The following SEPTIN9 variants were observed in gnomAD, a reference collection of about 807,000 sequenced individuals.
The protein encoded by SEPTIN9 is septin-9.
A neutral mutation model predicts 56.6 loss-of-function variants in SEPTIN9; 13 were observed. The observed-to-expected ratio is 0.23, with a 90% CI of 0.15 to 0.37. SEPTIN9 has a LOEUF of 0.37. SEPTIN9 is among the 10% of genes least tolerant of loss of function. The pLI is 1.00. For synonymous variants in SEPTIN9, 332 were observed against 334.1 expected (o/e 0.99, Z 0.07); for missense variants, 650 against 823.1 (o/e 0.79, Z 2.57).
chr17:77,313,000 GT>G (rs1353902671), intron 2 of SEPTIN9, among the ~76,000 whole-genome samples: 1 of 152,186 alleles, frequency 6.6e-6, no homozygotes. Flanking sequence ...GGGGGCGCTG[GT>G]TTAGATCATC....
intron 11 of SEPTIN9, among the ~76,000 whole-genome samples, chr17:77,497,847 C>A (rs2040337217): frequency 6.6e-6 from 1 of 151,308 alleles, no homozygotes; most frequent in Non-Finnish European, 1.5e-5. Context: ...GAGTGTGGGC[C>A]CTGGCCTGGG....
intron 10 of SEPTIN9, 174 bp downstream of exon 10, chr17:77,493,250 G>A (rs1261286358): frequency 3.2e-6 from 2 of 629,132 alleles, no homozygotes; most frequent in Non-Finnish European, 5.7e-6. Context: ...AAGTGAGAGG[G>A]CAAGTGGCCT....
chr17:77,470,547 C>CACTCATCCACCTATCT (rs1268795900), intron 3 of SEPTIN9, among the ~76,000 whole-genome samples: 2 of 152,158 alleles, frequency 1.3e-5, no homozygotes, highest in South Asian at 2.1e-4. Flanking sequence ...TCCACCAATT[C>CACTCATCCACCTATCT]ACTCATCCAC....
In SEPTIN9 at chr17:77,499,603, G is replaced by A. The variant is rs1252942241; in HGVS notation, c.*945G>A. ...CGTGGCTTGGGCTGGTCAGAGTGGCGTGAGCTGCCCGGCGCCTGCCCTGCC... is the reference window on the plus strand; with the variant it reads ...CGTGGCTTGGGCTGGTCAGAGTGGCATGAGCTGCCCGGCGCCTGCCCTGCC... On this transcript the variant is annotated 3_prime_UTR_variant, in exon 12 of 12. Transcript: ENST00000427177. 9 of 437,920 alleles carry A rather than the reference G, an allele frequency of 2.1e-5. No individual in the cohort carries two copies. Among genetic ancestry groups the A allele is most frequent in the South Asian group, 6.1e-5 (3 of 49,224 alleles). 27.1% of individuals were successfully genotyped at this position (437,920 alleles called of 1,614,324 possible).
rs533828585 is a variant in SEPTIN9 at position 77,451,279 on chromosome 17, T to C, written c.722-30865T>C. On this transcript the variant is annotated intron_variant, in intron 3 of 11. Transcript: ENST00000427177. The surrounding 1 kb of genome is among the most constrained non-coding windows in gnomAD (Gnocchi z 4.2). Reference sequence around the variant, plus strand: ...GTTGCTTCTGCGCCGGGCCTGCCGCTGGGCGCCCCTATCTCTGCCTGCCCC... The same window carrying C: ...GTTGCTTCTGCGCCGGGCCTGCCGCCGGGCGCCCCTATCTCTGCCTGCCCC... 1.5e-3 allele frequency: 1,187 copies of C among 792,864 alleles called. 1 individual carries two copies. Among genetic ancestry groups the C allele is most frequent in the Non-Finnish European group, 1.7e-3 (1,117 of 653,708 alleles). 49.1% of individuals were successfully genotyped at this position (792,864 alleles called of 1,614,324 possible).
At chr17:77,294,134 A>G (rs1368432020) in intron 1 of SEPTIN9, among the ~76,000 whole-genome samples, 2 of 148,492 alleles carry the variant, frequency 1.3e-5, no homozygotes, top group African/African-American at 5.0e-5. Context: ...AAAAAAAAAC[A>G]TAGGCTGGGC....
intron 1 of SEPTIN9, among the ~76,000 whole-genome samples, chr17:77,298,570 G>A (rs971835356): frequency 6.6e-6 from 1 of 152,180 alleles, no homozygotes; most frequent in Non-Finnish European, 1.5e-5. Flanking sequence ...GAGATGGGAC[G>A]GTTTCCTGTT....
intron 1 of SEPTIN9, chr17:77,294,512 G>T: frequency 5.9e-6 from 1 of 170,068 alleles, no homozygotes; most frequent in Non-Finnish European, 1.3e-5. Context: ...AAAAGTGGCG[G>T]TCAACATGGA....
At position 77,313,932 on chromosome 17, in the gene SEPTIN9, G is replaced by A. The variant is rs2143626216; in HGVS notation, c.76+6735G>A. On this transcript the variant is annotated intron_variant, in intron 2 of 11. Coordinates refer to ENST00000427177, the MANE Select transcript of SEPTIN9 (RefSeq NM_001113491.2). The surrounding 1 kb of genome is among the most constrained non-coding windows in gnomAD (Gnocchi z 4.5). ...GAAATGTTTTCAGGCTAGGCATGGT[G>A]ACCCATGCCTGTAATCCCAGTACTT... Among the ~76,000 whole-genome samples, 1 of 152,156 alleles carries A rather than the reference G, an allele frequency of 6.6e-6. No homozygotes were observed. The highest frequency in any genetic ancestry group is 1.9e-4 in the East Asian group (1 of 5,136).
At chr17:77,309,696 C>G (rs1215518438) in intron 2 of SEPTIN9, among the ~76,000 whole-genome samples, 1 of 151,988 alleles carries the variant, frequency 6.6e-6, no homozygotes, top group Non-Finnish European at 1.5e-5. Flanking sequence ...GCTTAAATGA[C>G]ACCATGATCA....
intron 8 of SEPTIN9, among the ~76,000 whole-genome samples, chr17:77,491,371 T>C (rs2040019210): frequency 6.6e-6 from 1 of 152,048 alleles, no homozygotes; most frequent in African/African-American, 2.4e-5. Context: ...CTAATTTTTG[T>C]ATTTTTAGTA....
chr17:77,325,117 G>C (rs4789444), intron 2 of SEPTIN9, among the ~76,000 whole-genome samples: 121,550 of 151,890 alleles, frequency 0.8, 48,807 homozygotes, highest in East Asian at 0.99. Context: ...CCGCACCCAG[G>C]CTGATATGCA....
chr17:77,392,074 T>G (rs1274769414), intron 2 of SEPTIN9, among the ~76,000 whole-genome samples: 1 of 152,184 alleles, frequency 6.6e-6, no homozygotes, highest in Non-Finnish European at 1.5e-5. Context: ...TCCTGTAGCG[T>G]GCAGAGGGAA....
intron 3 of SEPTIN9, among the ~76,000 whole-genome samples, chr17:77,409,146 G>A (rs147244123): frequency 0.018 from 2,696 of 152,158 alleles, 49 homozygotes; most frequent in Non-Finnish European, 0.025. Context: ...CTTGCAGAGG[G>A]CACCCAGGTC....
At chr17:77,303,906 T>G (rs1165274489) in intron 1 of SEPTIN9, among the ~76,000 whole-genome samples, 2 of 152,180 alleles carry the variant, frequency 1.3e-5, no homozygotes, top group South Asian at 2.1e-4. Flanking sequence ...TCTGATCATC[T>G]GACTCCAGGC....
At chr17:77,440,435 G>A (rs1342975876) in intron 3 of SEPTIN9, among the ~76,000 whole-genome samples, 1 of 152,214 alleles carries the variant, frequency 6.6e-6, no homozygotes, top group Non-Finnish European at 1.5e-5. Context: ...GATTACAGGC[G>A]TGAGCCACTG....
chr17:77,409,405 G>C (rs1425198030), intron 3 of SEPTIN9, among the ~76,000 whole-genome samples: 1 of 152,168 alleles, frequency 6.6e-6, no homozygotes, highest in Non-Finnish European at 1.5e-5. Context: ...CCCCTCGCCG[G>C]CCTGCCAAGC....
Position 77,371,166 on chromosome 17 carries a change from C to CT in SEPTIN9, c.77-30892dup, listed in dbSNP as rs551983963. Among the ~76,000 whole-genome samples, 254 of 152,260 alleles carry CT rather than the reference C, an allele frequency of 1.7e-3. No individual in the cohort carries two copies. Among genetic ancestry groups the CT allele is most frequent in the African/African-American group, 5.8e-3 (239 of 41,554 alleles). On this transcript the variant is annotated intron_variant, in intron 2 of 11. Coordinates refer to ENST00000427177, the MANE Select transcript of SEPTIN9 (RefSeq NM_001113491.2). This position sits in a 1 kb window ranked among gnomAD's most constrained non-coding sequence, Gnocchi z 4.1. ...CCTCCTTACCTGGAGGTTTCTAGGCCTGGTCATGTGGCTCTGAGTGATTAC... is the reference window on the plus strand; with the variant it reads ...CCTCCTTACCTGGAGGTTTCTAGGCCTTGGTCATGTGGCTCTGAGTGATTAC...
At chr17:77,482,090 C>T (rs1461264623) in intron 3 of SEPTIN9, 54 bp from the exon 4 acceptor site, 18 of 1,476,440 alleles carry the variant, frequency 1.2e-5, no homozygotes, top group East Asian at 5.0e-5. Context: ...ACCTGGCAGG[C>T]GCCTGTGTGT....
Sources: allele counts gnomAD v4.1 joint callset (sites outside exome capture counted in the v4.1 genomes callset), GRCh38; gene constraint gnomAD v4.1.1; non-coding constraint Gnocchi (gnomAD v3.1); transcripts MANE v1.5; gene names NCBI Gene and HGNC (gene_info 2026-07-23, HGNC 2026-07-21).